The following RNLS variants were observed in gnomAD, a reference collection of about 807,000 sequenced individuals.
RNLS encodes the protein renalase.
In RNLS, 39 loss-of-function variants were observed where a neutral mutation model predicts 39.8. That is an observed-to-expected ratio of 0.98 (90% CI 0.76 to 1.28). RNLS has a LOEUF of 1.28. Among genes scored for constraint, RNLS ranks in the 50% most tolerant of loss-of-function variants. The probability of loss-of-function intolerance (pLI) is 0.00; values close to 1 mark genes in which losing one functional copy is unlikely to be tolerated. For missense variants in RNLS, 410 were observed against 413.3 expected, an observed-to-expected ratio of 0.99 and a Z score of 0.07; for synonymous variants, 147 against 150.7, an observed-to-expected ratio of 0.98 and a Z score of 0.18.
chr10:88,525,420 T>C (rs1304403402), intron 4 of RNLS, among the ~76,000 whole-genome samples: 1 of 152,168 alleles, frequency 6.6e-6, no homozygotes, highest in Non-Finnish European at 1.5e-5. Context: ...GGGAAGGTGT[T>C]TAAGCAGAAA....
the RNLS span, among the ~76,000 whole-genome samples, chr10:88,244,500 T>C: frequency 6.6e-6 from 1 of 152,194 alleles, no homozygotes; most frequent in Non-Finnish European, 1.5e-5. Flanking sequence ...CTTCCAGCCA[T>C]TGTTTTTGGA....
At chr10:88,197,879 C>G in the RNLS span, among the ~76,000 whole-genome samples, 1 of 152,178 alleles carries the variant, frequency 6.6e-6, no homozygotes, top group Admixed American at 6.5e-5. Flanking sequence ...CAGAAACTCA[C>G]CATACTGGCA....
At chr10:88,515,575 T>C (rs1490867078) in intron 4 of RNLS, among the ~76,000 whole-genome samples, 1 of 152,106 alleles carries the variant, frequency 6.6e-6, no homozygotes, top group Non-Finnish European at 1.5e-5. Context: ...TAGCATCTTA[T>C]GTGCACTCTG....
Position 88,285,409 on chromosome 10 carries a change from T to A in RNLS, c.974A>T (p.Asp325Val). Residue 325 changes from aspartate (D) to valine (V), a missense_variant, in exon 7 of 7, where the codon GAT becomes GTT. Asp to Val is a radical substitution (Grantham distance 152). Coordinates refer to ENST00000331772, the MANE Select transcript of RNLS (RefSeq NM_001031709.3). ...GGDGFTQSNFDGCITSALCVL... is the reference protein window; with the variant it reads ...GGDGFTQSNFVGCITSALCVL... ...ACATAGGGCAGAAGTGATGCAGCCA[T>A]CAAAGTTGGACTGAGTAAATCCATC... The A allele has an allele frequency of 6.2e-7, 1 of 1,613,124 alleles. No individual in the cohort carries two copies. Among genetic ancestry groups the A allele is most frequent in the South Asian group, 1.1e-5 (1 of 91,052 alleles).
chr10:88,197,784 CT>C, the RNLS span, among the ~76,000 whole-genome samples: 1 of 152,260 alleles, frequency 6.6e-6, no homozygotes. Context: ...TAGGAGTTTG[CT>C]CTTGCTAAAT....
intron 6 of RNLS, among the ~76,000 whole-genome samples, chr10:88,291,046 T>C (rs1436290846): frequency 6.6e-6 from 1 of 152,156 alleles, no homozygotes; most frequent in Non-Finnish European, 1.5e-5. Flanking sequence ...AGTTCACACA[T>C]GTGAAAACTA....
At chr10:88,187,038 G>A in the RNLS span, among the ~76,000 whole-genome samples, 7 of 150,486 alleles carry the variant, frequency 4.7e-5, no homozygotes, top group Non-Finnish European at 7.4e-5. Flanking sequence ...TGCCTAATCC[G>A]GGTGTTTCTG....
chr10:88,242,904 G>A, the RNLS span, among the ~76,000 whole-genome samples: 1 of 152,130 alleles, frequency 6.6e-6, no homozygotes, highest in Non-Finnish European at 1.5e-5. Context: ...CCAAGATCAT[G>A]CCATTGCACT....
intron 4 of RNLS, among the ~76,000 whole-genome samples, chr10:88,504,059 A>G (rs1845647857): frequency 6.6e-6 from 1 of 152,152 alleles, no homozygotes; most frequent in African/African-American, 2.4e-5. Flanking sequence ...AAAGCCTGCC[A>G]GCAACCACGT....
chr10:88,252,577 T>G, the RNLS span, among the ~76,000 whole-genome samples: 4 of 152,182 alleles, frequency 2.6e-5, no homozygotes, highest in African/African-American at 9.7e-5. Context: ...GACTCTGCAG[T>G]ACTATCCTCT....
intron 6 of RNLS, among the ~76,000 whole-genome samples, chr10:88,300,360 C>T (rs1012514356): frequency 1.3e-5 from 2 of 152,154 alleles, no homozygotes; most frequent in African/African-American, 2.4e-5. Flanking sequence ...TACAAAAGTG[C>T]TACAATACAC....
chr10:88,526,996 C>T (rs1008969994), intron 4 of RNLS, among the ~76,000 whole-genome samples: 23 of 151,954 alleles, frequency 1.5e-4, no homozygotes, highest in African/African-American at 5.5e-4. Flanking sequence ...CAGTTAAGTA[C>T]TTGGGTTCTA....
the RNLS span, among the ~76,000 whole-genome samples, chr10:88,172,842 G>GTTTGTTTTTTTTTTTTTTTTTTTTT: frequency 2.3e-5 from 1 of 43,776 alleles, no homozygotes; most frequent in Non-Finnish European, 3.7e-5. Flanking sequence ...ATTTTGAGTT[G>GTTTGTTTTTTTTTTTTTTTTTTTTT]TTTTTTTTTT....
At chr10:88,207,051 A>AT in the RNLS span, among the ~76,000 whole-genome samples, 3 of 152,154 alleles carry the variant, frequency 2.0e-5, no homozygotes, top group South Asian at 6.2e-4. Flanking sequence ...TTTAAAATTG[A>AT]TTTTTAGCAT....
downstream of RNLS, among the ~76,000 whole-genome samples, chr10:88,269,188 T>TTTTAA (rs992420675): frequency 1.3e-5 from 2 of 152,218 alleles, no homozygotes; most frequent in African/African-American, 4.8e-5. Flanking sequence ...CTTTGGCCAC[T>TTTTAA]TTTAAACATA....
At chr10:88,364,676 A>G (rs369224297) in intron 4 of RNLS, among the ~76,000 whole-genome samples, 1 of 152,200 alleles carries the variant, frequency 6.6e-6, no homozygotes, top group East Asian at 1.9e-4. Flanking sequence ...AATAAAAGCC[A>G]TATTTCCCTT....
At chr10:88,246,494 C>A in the RNLS span, among the ~76,000 whole-genome samples, 2 of 151,936 alleles carry the variant, frequency 1.3e-5, no homozygotes, top group African/African-American at 2.4e-5. Context: ...AGGAATACTG[C>A]CATATAATCA....
At chr10:88,395,693 T>TA (rs1852517056) in intron 4 of RNLS, among the ~76,000 whole-genome samples, 2 of 152,016 alleles carry the variant, frequency 1.3e-5, no homozygotes, top group African/African-American at 4.8e-5. Context: ...AAATAATGGC[T>TA]AAAACTTTCC....
At chr10:88,545,638 G>A (rs1022772283) in intron 4 of RNLS, among the ~76,000 whole-genome samples, 5 of 152,152 alleles carry the variant, frequency 3.3e-5, no homozygotes, top group Non-Finnish European at 7.4e-5. Flanking sequence ...TTGGAGAACT[G>A]GGTGGGGACA....
Sources: gnomAD v4.1 joint callset for allele counts (sites outside exome capture counted in the v4.1 genomes callset) on GRCh38, gnomAD v4.1.1 for gene constraint, MANE v1.5 for transcripts, NCBI Gene and HGNC (gene_info 2026-07-23, HGNC 2026-07-21) for gene names.